GNAL: variants seen among roughly 807,000 people sequenced by gnomAD.
GNAL encodes the protein G protein subunit alpha L.
GNAL carries 18 observed loss-of-function variants against 55.1 expected under a neutral mutation model. The ratio of observed to expected loss-of-function variants is 0.33; its 90% CI spans 0.23 to 0.48. The LOEUF (loss-of-function observed/expected upper bound fraction) is 0.48, where lower values mean the gene tolerates loss of function less well. Among genes scored for constraint, GNAL ranks in the 20% least tolerant of loss-of-function variants. The pLI is 0.99. For missense variants in GNAL, 412 were observed against 614.1 expected (o/e 0.67, Z 3.48); for synonymous variants, 253 against 237.0 (o/e 1.07, Z -0.62).
At chr18:11,699,568 T>G (rs367693852) in intron 1 of GNAL, among the ~76,000 whole-genome samples, 181 of 147,286 alleles carry the variant, frequency 1.2e-3, no homozygotes, top group African/African-American at 4.5e-3. Context: ...AGGGGGGGGG[T>G]TGGCTTTAAG....
At chr18:11,849,817 A>G (rs940107064) in intron 5 of GNAL, among the ~76,000 whole-genome samples, 1 of 152,238 alleles carries the variant, frequency 6.6e-6, no homozygotes, top group Non-Finnish European at 1.5e-5. Flanking sequence ...ATCCCCTCTG[A>G]AATACAATTA....
chr18:11,883,211 C>T lies in GNAL; in HGVS notation c.*2076C>T, dbSNP rs1417425729. Reference sequence around the variant, plus strand: ...GCAACACACACATTTTATCTCATCACCGTCTTACTGCCTCCCCATCCACTG... The same window carrying T: ...GCAACACACACATTTTATCTCATCATCGTCTTACTGCCTCCCCATCCACTG... On this transcript the variant is annotated 3_prime_UTR_variant, in exon 12 of 12. Coordinates refer to ENST00000334049, the MANE Select transcript of GNAL (RefSeq NM_182978.4). The T allele has an allele frequency of 7.2e-6, 1 of 138,156 alleles. No individual in the cohort carries two copies. The highest frequency in any genetic ancestry group is 1.5e-5 in the Non-Finnish European group (1 of 66,650). 8.6% of individuals were successfully genotyped at this position (138,156 alleles called of 1,614,324 possible).
At chr18:11,844,990 C>T (rs2035699866) in intron 5 of GNAL, among the ~76,000 whole-genome samples, 1 of 152,096 alleles carries the variant, frequency 6.6e-6, no homozygotes, top group South Asian at 2.1e-4. Flanking sequence ...CTCAGCCTCC[C>T]AAGTAGCTGG....
rs1386688271 is a variant in GNAL, at chr18:11,885,084, T to C, written c.*3949T>C. 1.6e-6 allele frequency: 2 copies of C among 1,263,796 alleles called. No individual in the cohort carries two copies. The highest frequency in any genetic ancestry group is 2.0e-6 in the Non-Finnish European group (2 of 976,218). The allele number at this position is 1,263,796 out of a possible 1,614,324, so 78.3% of individuals were successfully genotyped here. A position where few individuals can be genotyped will look rare whatever the true frequency, so the allele number is the denominator to read the frequency against. On this transcript the variant is annotated 3_prime_UTR_variant, in exon 12 of 12. Coordinates refer to ENST00000334049, the MANE Select transcript of GNAL (RefSeq NM_182978.4). ...TCCAGGTCGTCTCCATGGGCTTTTCTTTGCAGATACTTTTATGTGGAACAA... is the reference window on the plus strand; with the variant it reads ...TCCAGGTCGTCTCCATGGGCTTTTCCTTGCAGATACTTTTATGTGGAACAA...
chr18:11,746,955 A>T, intron 1 of GNAL: 1 of 527,854 alleles, frequency 1.9e-6, no homozygotes, highest in Non-Finnish European at 3.8e-6. Context: ...TCAGTAGGTG[A>T]GTATTTAATT....
At chr18:11,835,311 A>C (rs1340424127) in intron 5 of GNAL, among the ~76,000 whole-genome samples, 1 of 151,784 alleles carries the variant, frequency 6.6e-6, no homozygotes, top group Admixed American at 6.6e-5. Flanking sequence ...ACATGGATAG[A>C]TCTGTGATTT....
At chr18:11,789,299 G>A (rs1461131034) in intron 4 of GNAL, among the ~76,000 whole-genome samples, 2 of 152,176 alleles carry the variant, frequency 1.3e-5, no homozygotes, top group African/African-American at 2.4e-5. Context: ...GTTGCTGCCA[G>A]ATACTCAGGT....
Position 11,868,293 on chromosome 18 carries a change from T to G in GNAL, c.911-250T>G, listed in dbSNP as rs1285701010. Among the ~76,000 whole-genome samples, 3 of 149,100 alleles carry G rather than the reference T, an allele frequency of 2.0e-5. No homozygotes were observed. The highest frequency in any genetic ancestry group is 7.5e-5 in the African/African-American group (3 of 40,008). ...CCAGCCTGGGAGACAAGAGTGAAAC[T>G]CCATCTCAAAAAAAAAAAAGCACTT... On this transcript the variant is annotated intron_variant, in intron 8 of 11. Transcript: ENST00000334049. This position sits in a 1 kb window ranked among gnomAD's most constrained non-coding sequence, Gnocchi z 4.0.
At chr18:11,784,477 C>T (rs2034004328) in intron 4 of GNAL, among the ~76,000 whole-genome samples, 1 of 152,198 alleles carries the variant, frequency 6.6e-6, no homozygotes, top group African/African-American at 2.4e-5. Flanking sequence ...CTGCCACAAG[C>T]CTAATGCTGT....
intron 4 of GNAL, among the ~76,000 whole-genome samples, chr18:11,769,950 G>A (rs1032367889): frequency 1.3e-5 from 2 of 152,286 alleles, no homozygotes; most frequent in African/African-American, 4.8e-5. Context: ...GGATATGGCA[G>A]TGTTGTTTTT....
intron 5 of GNAL, among the ~76,000 whole-genome samples, chr18:11,846,009 ATCTGAC>A (rs1184852023): frequency 6.6e-6 from 1 of 152,026 alleles, no homozygotes; most frequent in Non-Finnish European, 1.5e-5. Context: ...CTCTCTGGTG[ATCTGAC>A]CTGATGAGGG....
At chr18:11,836,927 A>G (rs1240977703) in intron 5 of GNAL, among the ~76,000 whole-genome samples, 2 of 152,156 alleles carry the variant, frequency 1.3e-5, no homozygotes, top group Non-Finnish European at 2.9e-5. Flanking sequence ...TCCACTTCAT[A>G]TCTTGAACCT....
chr18:11,703,782 C>T (rs1465435658), intron 1 of GNAL, among the ~76,000 whole-genome samples: 1 of 141,528 alleles, frequency 7.1e-6, no homozygotes, highest in Non-Finnish European at 1.5e-5. Context: ...GATAGGAGGC[C>T]CAGTGTTGAT....
intron 1 of GNAL, among the ~76,000 whole-genome samples, chr18:11,745,089 C>A (rs571370007): frequency 1.3e-5 from 2 of 152,198 alleles, no homozygotes; most frequent in African/African-American, 2.4e-5. Context: ...ATAAAGACTA[C>A]AGAAGACCAG....
chr18:11,731,394 C>T (rs1255668265), intron 1 of GNAL, among the ~76,000 whole-genome samples: 1 of 152,218 alleles, frequency 6.6e-6, no homozygotes, highest in Non-Finnish European at 1.5e-5. Flanking sequence ...GGTGATCCAC[C>T]CGCCTTGGCC....
At chr18:11,854,932 G>C (rs1283572519) in intron 5 of GNAL, among the ~76,000 whole-genome samples, 1 of 151,958 alleles carries the variant, frequency 6.6e-6, no homozygotes. Flanking sequence ...TATTTTTGTT[G>C]TTGCTGTTTT....
intron 1 of GNAL, among the ~76,000 whole-genome samples, chr18:11,720,152 C>G (rs914566211): frequency 8.5e-5 from 13 of 152,152 alleles, no homozygotes; most frequent in Non-Finnish European, 2.9e-5. Context: ...CAAGGTGAGT[C>G]TAGACCAAGA....
intron 1 of GNAL, among the ~76,000 whole-genome samples, chr18:11,691,301 G>A (rs867689099): frequency 1.3e-4 from 19 of 150,522 alleles, no homozygotes; most frequent in African/African-American, 4.6e-4. Context: ...ACTTTTTGAT[G>A]GGGTTGTTTG....
At chr18:11,750,155 CTG>C (rs1418617623) in intron 1 of GNAL, among the ~76,000 whole-genome samples, 3 of 152,164 alleles carry the variant, frequency 2.0e-5, no homozygotes, top group Non-Finnish European at 2.9e-5. Flanking sequence ...GATGCGGTAA[CTG>C]TTGGGGTTTG....
Sources: allele counts gnomAD v4.1 joint callset (sites outside exome capture counted in the v4.1 genomes callset), GRCh38; gene constraint gnomAD v4.1.1; non-coding constraint Gnocchi (gnomAD v3.1); transcripts MANE v1.5; gene names NCBI Gene and HGNC (gene_info 2026-07-23, HGNC 2026-07-21).